PAMR1: variants seen among roughly 807,000 people sequenced by gnomAD.
The protein encoded by PAMR1 is inactive serine protease PAMR1.
In PAMR1, 88 loss-of-function variants were observed where a neutral mutation model predicts 81.8. The ratio of observed to expected loss-of-function variants is 1.08; its 90% CI spans 0.91 to 1.28. The LOEUF is 1.28. Ranked by LOEUF, PAMR1 falls within the 50% of genes most tolerant of loss-of-function variation. The pLI is 0.00. For missense variants in PAMR1, 935 were observed against 919.7 expected, an observed-to-expected ratio of 1.02 and a Z score of -0.21; for synonymous variants, 336 against 345.3, an observed-to-expected ratio of 0.97 and a Z score of 0.30.
At chr11:35,521,259 AG>A (rs1229717845) in intron 1 of PAMR1, among the ~76,000 whole-genome samples, 1 of 152,200 alleles carries the variant, frequency 6.6e-6, no homozygotes, top group East Asian at 1.9e-4. Context: ...CACTGATAAA[AG>A]TCTGATGTAC....
intron 6 of PAMR1, among the ~76,000 whole-genome samples, chr11:35,451,238 T>G (rs1856412266): frequency 6.6e-6 from 1 of 152,208 alleles, no homozygotes; most frequent in African/African-American, 2.4e-5. Context: ...TAATGTGGAT[T>G]TAACTAGCAG....
At chr11:35,466,180 C>G (rs958658744) in intron 6 of PAMR1, among the ~76,000 whole-genome samples, 1 of 152,036 alleles carries the variant, frequency 6.6e-6, no homozygotes, top group Admixed American at 6.6e-5. Context: ...TGTCAAGAAT[C>G]TAGAATCGCT....
chr11:35,467,621 T>C (rs1590344665), intron 6 of PAMR1, among the ~76,000 whole-genome samples: 1 of 152,230 alleles, frequency 6.6e-6, no homozygotes, highest in Non-Finnish European at 1.5e-5. Context: ...CATTGGAGCC[T>C]GTGAATGGTG....
At chr11:35,449,400 G>A (rs547174423) in intron 6 of PAMR1, among the ~76,000 whole-genome samples, 79 of 152,336 alleles carry the variant, frequency 5.2e-4, no homozygotes, top group South Asian at 1.2e-3. Context: ...GGTTCTGTCC[G>A]TAAACCCCTG....
intron 3 of PAMR1, among the ~76,000 whole-genome samples, chr11:35,487,379 C>G (rs538567188): frequency 1.4e-4 from 21 of 152,328 alleles, no homozygotes; most frequent in African/African-American, 5.1e-4. Context: ...TATTGCCCCT[C>G]TACCAGGCTC....
chr11:35,450,177 C>A (rs914031761), intron 6 of PAMR1, among the ~76,000 whole-genome samples: 1 of 138,394 alleles, frequency 7.2e-6, no homozygotes, highest in Non-Finnish European at 1.5e-5. Flanking sequence ...TCAGATAACA[C>A]CTCTAAAATA....
At chr11:35,486,244 G>A (rs946388153) in intron 3 of PAMR1, among the ~76,000 whole-genome samples, 3 of 152,212 alleles carry the variant, frequency 2.0e-5, no homozygotes, top group Non-Finnish European at 4.4e-5. Flanking sequence ...TGTGTGGAAT[G>A]AGGCTCTCAG....
At chr11:35,484,756 CT>C (rs1225276438) in intron 3 of PAMR1, among the ~76,000 whole-genome samples, 2 of 152,204 alleles carry the variant, frequency 1.3e-5, no homozygotes, top group African/African-American at 4.8e-5. Context: ...GCCCAGTATC[CT>C]TCAGGGACTG....
At chr11:35,525,932 G>A (rs1459999198), upstream of PAMR1, 1 of 328,510 alleles carries the variant, frequency 3.0e-6, no homozygotes, top group Non-Finnish European at 5.6e-6. Flanking sequence ...AGGGGCCATA[G>A]GACCCTGGGC....
At chr11:35,458,016 G>C (rs1856570935) in intron 6 of PAMR1, among the ~76,000 whole-genome samples, 1 of 152,108 alleles carries the variant, frequency 6.6e-6, no homozygotes, top group East Asian at 1.9e-4. Context: ...AGGGTAGAAG[G>C]AGCATAAAAG....
chr11:35,445,988 T>C (rs951803611), intron 6 of PAMR1, among the ~76,000 whole-genome samples: 5 of 152,224 alleles, frequency 3.3e-5, no homozygotes, highest in Non-Finnish European at 7.3e-5. Flanking sequence ...GGTAGGCTAT[T>C]AATTACTACC....
chr11:35,504,947 T>G (rs1607122), intron 1 of PAMR1, among the ~76,000 whole-genome samples: 2 of 151,672 alleles, frequency 1.3e-5, no homozygotes, highest in African/African-American at 4.8e-5. Context: ...TGCATTGTTA[T>G]GTTATTTGAA....
chr11:35,502,504 T>C (rs777085841), intron 1 of PAMR1, among the ~76,000 whole-genome samples: 3 of 145,588 alleles, frequency 2.1e-5, no homozygotes, highest in Non-Finnish European at 4.5e-5. Context: ...AGTGAGAACA[T>C]GCAGTGTTTG....
chr11:35,443,795 C>T (rs1856233084), intron 6 of PAMR1, among the ~76,000 whole-genome samples: 1 of 152,154 alleles, frequency 6.6e-6, no homozygotes, highest in Non-Finnish European at 1.5e-5. Flanking sequence ...AGTTCAATCA[C>T]CTTGAAATAA....
At chr11:35,524,478 T>C (rs1226126511) in intron 1 of PAMR1, among the ~76,000 whole-genome samples, 1 of 152,156 alleles carries the variant, frequency 6.6e-6, no homozygotes, top group African/African-American at 2.4e-5. Context: ...ACCTGGCCTG[T>C]TTCATTCTCA....
At chr11:35,487,857 T>A (rs1850539356) in intron 3 of PAMR1, among the ~76,000 whole-genome samples, 1 of 152,238 alleles carries the variant, frequency 6.6e-6, no homozygotes, top group Non-Finnish European at 1.5e-5. Context: ...AGTTTCATTA[T>A]CTATAAAATG....
At chr11:35,434,117 T>C (rs1855979557) in intron 10 of PAMR1, among the ~76,000 whole-genome samples, 1 of 152,126 alleles carries the variant, frequency 6.6e-6, no homozygotes, top group Non-Finnish European at 1.5e-5. Flanking sequence ...AATCACAACA[T>C]TCATGGAGCT....
upstream of PAMR1, chr11:35,525,731 C>T (rs1344967481): frequency 4.5e-6 from 3 of 668,794 alleles, no homozygotes; most frequent in Non-Finnish European, 7.9e-6. Context: ...CTCCCATCCT[C>T]ATCTGAGGGG....
At chr11:35,464,234 A>T (rs868515419) in intron 6 of PAMR1, among the ~76,000 whole-genome samples, 1 of 152,230 alleles carries the variant, frequency 6.6e-6, no homozygotes, top group Non-Finnish European at 1.5e-5. Context: ...CATCTTAAGG[A>T]CTTGGATGAA....
Sources: gnomAD v4.1 joint callset for allele counts (sites outside exome capture counted in the v4.1 genomes callset) on GRCh38, gnomAD v4.1.1 for gene constraint, MANE v1.5 for transcripts, NCBI Gene and HGNC (gene_info 2026-07-23, HGNC 2026-07-21) for gene names.